Variants in CIITA observed in about 807,000 individuals in gnomAD.
The protein encoded by CIITA is MHC class II transactivator.
In CIITA, 72 loss-of-function variants were observed where a neutral mutation model predicts 115.1. The observed-to-expected ratio is 0.63, with a 90% CI of 0.52 to 0.76. CIITA has a LOEUF of 0.76. CIITA is among the 30% of genes least tolerant of loss of function. The pLI is 0.00. For missense variants in CIITA, 1,617 were observed against 1,463.8 expected (o/e 1.10, Z -1.71); for synonymous variants, 763 against 635.6 (o/e 1.20, Z -3.02).
At position 10,895,703 on chromosome 16, in the gene CIITA, C is replaced by A; in HGVS notation, c.234C>A (p.Phe78Leu). The change falls in exon 3 of 20, where the codon TTC becomes TTA. Residue 78 changes from phenylalanine (F) to leucine (L), a missense_variant. Coordinates refer to ENST00000324288, the MANE Select transcript of CIITA (RefSeq NM_000246.4). ...PDTDTINCDQFSRLLCDMEGD... is the reference protein window; with the variant it reads ...PDTDTINCDQLSRLLCDMEGD... ...CAGACACCATCAACTGCGACCAGTTCAGCAGGCTGTTGTGTGACATGGAAG... is the reference window on the plus strand; with the variant it reads ...CAGACACCATCAACTGCGACCAGTTAAGCAGGCTGTTGTGTGACATGGAAG... 6.2e-7 allele frequency: 1 copy of A among 1,614,144 alleles called. No individual in the cohort carries two copies. The highest frequency in any genetic ancestry group is 1.1e-5 in the South Asian group (1 of 91,048).
Position 10,932,274 on chromosome 16 carries a change from T to C in CIITA, c.*8419T>C, listed in dbSNP as rs540198723. The C allele has an allele frequency of 1.3e-5, 2 of 152,356 alleles. No homozygotes were observed. Among genetic ancestry groups the C allele is most frequent in the South Asian group, 2.1e-4 (1 of 4,830 alleles). 9.4% of individuals were successfully genotyped at this position (152,356 alleles called of 1,614,324 possible). On this transcript the variant is annotated 3_prime_UTR_variant, in exon 20 of 20. Transcript: ENST00000324288. ...CTTGGCAAACGCTAAATGAAAATCGTGACAACACTTGTGTTATGAAGCATT... is the reference window on the plus strand; with the variant it reads ...CTTGGCAAACGCTAAATGAAAATCGCGACAACACTTGTGTTATGAAGCATT...
At chr16:10,908,189 G>C (rs1192025060) in intron 11 of CIITA, 40 bp downstream of exon 11, 2 of 1,550,100 alleles carry the variant, frequency 1.3e-6, no homozygotes, top group South Asian at 1.2e-5. Context: ...CCTTGTGTTG[G>C]GCATTAACTG....
At position 10,879,704 on chromosome 16, in the gene CIITA, C is replaced by T. The variant is rs2036224994; in HGVS notation, c.52+2322C>T. Among the ~76,000 whole-genome samples, 1 of 152,156 alleles carries T rather than the reference C, an allele frequency of 6.6e-6. No individual in the cohort carries two copies. Among genetic ancestry groups the T allele is most frequent in the Non-Finnish European group, 1.5e-5 (1 of 68,032 alleles). ...TCACTTCTCTACCTCGCTTTGGGGC[C>T]CTGAGTCACACCCTCTAAGGAGAGA... On this transcript the variant is annotated intron_variant, in intron 1 of 19. Coordinates refer to ENST00000324288, the MANE Select transcript of CIITA (RefSeq NM_000246.4). The surrounding 1 kb of genome is among the most constrained non-coding windows in gnomAD (Gnocchi z 4.3).
At chr16:10,908,966 G>A in intron 11 of CIITA, 63 bp from the exon 12 acceptor site, 1 of 1,610,244 alleles carries the variant, frequency 6.2e-7, no homozygotes, top group Admixed American at 1.7e-5. Context: ...CCTTCATGGA[G>A]CTGCCCTTCC....
rs944620001 is a variant in CIITA, at chr16:10,925,603, C to A, written c.*1748C>A. ...GGGATTACAGGTGTGAACCACCACA[C>A]CCAGCCCACTTCTGCCATATTCTGT... On this transcript the variant is annotated 3_prime_UTR_variant, in exon 20 of 20. Transcript: ENST00000324288. 2 of 152,414 alleles carry A rather than the reference C, an allele frequency of 1.3e-5. No individual in the cohort carries two copies. The highest frequency in any genetic ancestry group is 2.9e-5 in the Non-Finnish European group (2 of 68,164). The allele number at this position is 152,414 out of a possible 1,614,324, so 9.4% of individuals were successfully genotyped here. A position where few individuals can be genotyped will look rare whatever the true frequency, so the allele number is the denominator to read the frequency against.
Position 10,909,057 on chromosome 16 carries a change from T to G in CIITA, c.2686T>G (p.Trp896Gly), listed in dbSNP as rs1379463795. The G allele has an allele frequency of 1.9e-6, 3 of 1,614,096 alleles. No homozygotes were observed. Among genetic ancestry groups the G allele is most frequent in the East Asian group, 4.5e-5 (2 of 44,884 alleles). Residue 896 changes from tryptophan to glycine, a missense_variant, in exon 12 of 20, where the codon TGG (tryptophan) becomes GGG (glycine). Coordinates refer to ENST00000324288, the MANE Select transcript of CIITA (RefSeq NM_000246.4). ...RAALSDTVAL[W>G]ESLQQHGETK... ...TGCCTTGAGCGACACGGTGGCGCTG[T>G]GGGAGTCCCTGCAGCAGCATGGGGA...
intron 1 of CIITA, among the ~76,000 whole-genome samples, chr16:10,894,652 C>G (rs745763159): frequency 2.0e-5 from 3 of 152,126 alleles, no homozygotes; most frequent in Non-Finnish European, 4.4e-5. Context: ...ATGAGGAAAT[C>G]TTAGAATCTG....
rs80307173 is a variant in CIITA, at chr16:10,914,927, C to A, written c.2889-643C>A. On this transcript the variant is annotated intron_variant, in intron 13 of 19. Coordinates refer to ENST00000324288, the MANE Select transcript of CIITA (RefSeq NM_000246.4). ...CAGCTGGCATTTCAGGACCCCTTCC[C>A]CAGGCTGCGGCGGGAGAAGGGTATC... 1,378 of 367,196 alleles carry A rather than the reference C, an allele frequency of 3.8e-3. 2 individuals are homozygous for A. Among genetic ancestry groups the A allele is most frequent in the Non-Finnish European group, 5.8e-3 (1,055 of 182,666 alleles). 22.7% of individuals were successfully genotyped at this position (367,196 alleles called of 1,614,324 possible).
intron 1 of CIITA, among the ~76,000 whole-genome samples, chr16:10,880,358 GT>G (rs1403414985): frequency 4.6e-5 from 7 of 152,344 alleles, no homozygotes; most frequent in African/African-American, 1.7e-4. Context: ...TGACTCCAAT[GT>G]TCGTTTGTGG....
chr16:10,907,454 C>G lies in CIITA; in HGVS notation c.1962C>G (p.Pro654=), dbSNP rs769190445. Residue 654 remains proline (P), a synonymous_variant, in exon 11 of 20, where the codon CCC becomes CCG. Transcript: ENST00000324288. The surrounding 1 kb of genome is among the most constrained non-coding windows in gnomAD (Gnocchi z 5.0). The part of the protein sequence containing the change: ...LLGRAALDSP[P]GALAELAKLA... The stretch of plus-strand genomic sequence containing the variant: ...GCCGTGCAGCCCTCGACAGCCCCCC[C>G]GGGGCCCTGGCAGAGCTGGCCAAGC... 10 of 1,613,308 alleles carry G rather than the reference C, an allele frequency of 6.2e-6. No individual in the cohort carries two copies. In the Admixed American group the frequency reaches 1.7e-4, roughly 27 times the overall value.
rs2036231847 is a variant in CIITA, at chr16:10,879,760, A to G, written c.52+2378A>G. Among the ~76,000 whole-genome samples, 1 of 152,126 alleles carries G rather than the reference A, an allele frequency of 6.6e-6. No homozygotes were observed. The highest frequency in any genetic ancestry group is 2.1e-4 in the South Asian group (1 of 4,828). On this transcript the variant is annotated intron_variant, in intron 1 of 19. Transcript: ENST00000324288. This position sits in a 1 kb window ranked among gnomAD's most constrained non-coding sequence, Gnocchi z 4.3. The stretch of plus-strand genomic sequence containing the variant: ...AAGCGCCCCGGAAAGCCAGCGTGCG[A>G]ATGCCGGGGTGGGAGTGGGAGATTG...
chr16:10,917,824 A>C (rs1355932917), intron 15 of CIITA, among the ~76,000 whole-genome samples: 2 of 152,146 alleles, frequency 1.3e-5, no homozygotes, highest in Admixed American at 1.3e-4. Context: ...AAATCTTCCC[A>C]CACTCCCCCT....
intron 1 of CIITA, among the ~76,000 whole-genome samples, chr16:10,888,090 T>A (rs146720754): frequency 6.6e-6 from 1 of 152,234 alleles, no homozygotes; most frequent in African/African-American, 2.4e-5. Context: ...CTCACAGAGG[T>A]AAGAAGCACA....
At chr16:10,902,503 G>A (rs1457840213) in intron 7 of CIITA, among the ~76,000 whole-genome samples, 155 bp from the exon 8 acceptor site, 1 of 152,210 alleles carries the variant, frequency 6.6e-6, no homozygotes, top group Non-Finnish European at 1.5e-5. Context: ...TCTGCTAGGT[G>A]CTAAGAATTC....
chr16:10,877,535 A>G (rs898510673), intron 1 of CIITA, among the ~76,000 whole-genome samples, 153 bp downstream of exon 1: 2 of 152,174 alleles, frequency 1.3e-5, no homozygotes, highest in African/African-American at 4.8e-5. Context: ...GGAAGATGTG[A>G]AAGAGTTGTC....
chr16:10,915,657 A>T lies in CIITA; in HGVS notation c.2969+7A>T, dbSNP rs2039901199. ...CCTCCCTGCAGCATCTGGAGTGAGT[A>T]TAGACTCTGGGACCCCTTCCTCTCA... is the stretch of plus-strand genomic sequence containing the variant. On this transcript the variant is annotated splice_region_variant and intron_variant, in intron 14 of 19. Coordinates refer to ENST00000324288, the MANE Select transcript of CIITA (RefSeq NM_000246.4). 3 of 1,611,724 alleles carry T rather than the reference A, an allele frequency of 1.9e-6. No individual in the cohort carries two copies. The highest frequency in any genetic ancestry group is 2.2e-5 in the South Asian group (2 of 91,026).
chr16:10,897,106 C>A (rs546729548), intron 3 of CIITA, among the ~76,000 whole-genome samples: 29 of 152,268 alleles, frequency 1.9e-4, no homozygotes, highest in African/African-American at 7.0e-4. Flanking sequence ...TGAGGCAGTG[C>A]GTTAGTCCAT....
chr16:10,867,083 A>G (rs992690348), intron 1 of CIITA, among the ~76,000 whole-genome samples: 1 of 152,196 alleles, frequency 6.6e-6, no homozygotes, highest in African/African-American at 2.4e-5. Flanking sequence ...TCTCTACTAA[A>G]AAATACAAAA....
At position 10,907,203 on chromosome 16, in the gene CIITA, A is replaced by G. The variant is rs1305986892; in HGVS notation, c.1711A>G (p.Met571Val). 3 of 1,613,216 alleles carry G rather than the reference A, an allele frequency of 1.9e-6. No individual in the cohort carries two copies. The African/African-American group carries it at 4.0e-5, about 22-fold the overall frequency. Reference sequence around the variant, plus strand: ...CCTATTTGAGCTGTCCGGCTTCTCCATGGAGCAGGCCCAGGCATACGTGAT... The same window carrying G: ...CCTATTTGAGCTGTCCGGCTTCTCCGTGGAGCAGGCCCAGGCATACGTGAT... ...DALFELSGFS[M>V]EQAQAYVMRY... Residue 571 changes from methionine to valine, a missense_variant, in exon 11 of 20, where the codon ATG becomes GTG. By Grantham distance (21) the Met-to-Val change is conservative (BLOSUM62 1). Coordinates refer to ENST00000324288, the MANE Select transcript of CIITA (RefSeq NM_000246.4). This position sits in a 1 kb window ranked among gnomAD's most constrained non-coding sequence, Gnocchi z 5.0.
Sources: allele counts gnomAD v4.1 joint callset (sites outside exome capture counted in the v4.1 genomes callset), GRCh38; gene constraint gnomAD v4.1.1; non-coding constraint Gnocchi (gnomAD v3.1); transcripts MANE v1.5; gene names NCBI Gene and HGNC (gene_info 2026-07-23, HGNC 2026-07-21).